Variants in CALCRL observed in about 807,000 individuals in gnomAD.
The protein encoded by CALCRL is calcitonin receptor like receptor.
A neutral mutation model predicts 60.4 loss-of-function variants in CALCRL; 27 were observed. The observed-to-expected ratio is 0.45, with a 90% CI of 0.33 to 0.62. CALCRL has a LOEUF of 0.62. Ranked by LOEUF, CALCRL falls within the 20% of genes least tolerant of loss-of-function variation. The pLI is 0.03. For synonymous variants in CALCRL, 190 were observed against 182.6 expected, an observed-to-expected ratio of 1.04 and a Z score of -0.33; for missense variants, 424 against 540.7, an observed-to-expected ratio of 0.78 and a Z score of 2.14.
chr2:187,354,410 A>G (rs868455080), intron 12 of CALCRL, among the ~76,000 whole-genome samples: 2 of 151,940 alleles, frequency 1.3e-5, no homozygotes, highest in South Asian at 2.1e-4. Flanking sequence ...CTTCCCCTCA[A>G]CAGGATCTCA....
At chr2:187,432,559 A>G (rs944619717) in intron 1 of CALCRL, among the ~76,000 whole-genome samples, 2 of 152,152 alleles carry the variant, frequency 1.3e-5, no homozygotes, top group Non-Finnish European at 2.9e-5. Flanking sequence ...CTGCAACTGA[A>G]TCTTTTGTAA....
chr2:187,350,652 T>C (rs1267305058), intron 14 of CALCRL, among the ~76,000 whole-genome samples: 1 of 151,666 alleles, frequency 6.6e-6, no homozygotes, highest in Non-Finnish European at 1.5e-5. Flanking sequence ...AGTTTTATTA[T>C]ATGTCAAGAT....
At chr2:187,361,479 A>G (rs1161189603) in intron 9 of CALCRL, among the ~76,000 whole-genome samples, 3 of 151,994 alleles carry the variant, frequency 2.0e-5, no homozygotes, top group South Asian at 2.1e-4. Flanking sequence ...TGTTACTCCT[A>G]TTGGCTCCAG....
intron 1 of CALCRL, among the ~76,000 whole-genome samples, chr2:187,416,403 CCT>C (rs1689608280): frequency 6.6e-6 from 1 of 152,076 alleles, no homozygotes; most frequent in Admixed American, 6.5e-5. Context: ...TCCTAATTTC[CCT>C]GTTATCCTAG....
At chr2:187,409,587 G>A (rs1277241514) in intron 1 of CALCRL, among the ~76,000 whole-genome samples, 1 of 152,214 alleles carries the variant, frequency 6.6e-6, no homozygotes, top group African/African-American at 2.4e-5. Flanking sequence ...CCACTGGTAT[G>A]TGCCTAACAC....
chr2:187,423,368 T>C (rs1160930501), intron 1 of CALCRL, among the ~76,000 whole-genome samples: 1 of 151,898 alleles, frequency 6.6e-6, no homozygotes, highest in African/African-American at 2.4e-5. Context: ...TATGGTTTTT[T>C]TTTTTTTACC....
rs780410767 is a variant in CALCRL, at chr2:187,385,579, G to A, written c.17C>T (p.Thr6Ile). The A allele has an allele frequency of 6.4e-7, 1 of 1,562,584 alleles. No homozygotes were observed. Among genetic ancestry groups the A allele is most frequent in the Non-Finnish European group, 8.8e-7 (1 of 1,142,396 alleles). MEKKC[T>I]LYFLVLLPFF... ...AGGCAAGAGAACCAGAAAATACAGG[G>A]TACACTTTTTCTCCATCATTAAGCC... Residue 6 changes from threonine (T) to isoleucine (I), a missense_variant, in exon 4 of 15, where the codon ACC becomes ATC. Transcript: ENST00000392370.
intron 1 of CALCRL, among the ~76,000 whole-genome samples, chr2:187,423,951 A>G (rs1690010980): frequency 6.6e-6 from 1 of 152,040 alleles, no homozygotes; most frequent in Non-Finnish European, 1.5e-5. Context: ...TAACATAGCC[A>G]CATCTGATTT....
intron 1 of CALCRL, chr2:187,415,582 C>T (rs555934263): frequency 9.2e-6 from 5 of 545,980 alleles, no homozygotes; most frequent in Middle Eastern, 5.2e-4. Flanking sequence ...CCTGACCTGC[C>T]GTCTGGAAAA....
intron 8 of CALCRL, among the ~76,000 whole-genome samples, chr2:187,371,043 T>C (rs554896524): frequency 2.4e-4 from 36 of 152,094 alleles, no homozygotes; most frequent in South Asian, 6.2e-4. Context: ...GAGATCAAGA[T>C]CATCCTGGCT....
chr2:187,400,512 C>G (rs1426352931), intron 1 of CALCRL, among the ~76,000 whole-genome samples: 1 of 151,184 alleles, frequency 6.6e-6, no homozygotes, highest in Non-Finnish European at 1.5e-5. Flanking sequence ...CTATATGACC[C>G]AGCAATTCCA....
intron 3 of CALCRL, among the ~76,000 whole-genome samples, 152 bp from the exon 4 acceptor site, chr2:187,385,783 ACT>A (rs149014637): frequency 0.01 from 1,573 of 152,206 alleles, 15 homozygotes; most frequent in Middle Eastern, 0.037. Context: ...ACAAGGTCTC[ACT>A]CTGTCACCAA....
At chr2:187,438,775 T>C (rs1690763908) in intron 1 of CALCRL, among the ~76,000 whole-genome samples, 1 of 152,226 alleles carries the variant, frequency 6.6e-6, no homozygotes, top group African/African-American at 2.4e-5. Context: ...CCTTGGAATT[T>C]AGTAAAATCT....
intron 1 of CALCRL, among the ~76,000 whole-genome samples, chr2:187,439,218 C>T (rs1690782285): frequency 1.3e-5 from 2 of 152,112 alleles, no homozygotes; most frequent in East Asian, 1.9e-4. Context: ...TGCAGTGGCT[C>T]ACACCTGTAA....
intron 1 of CALCRL, among the ~76,000 whole-genome samples, chr2:187,425,122 C>A (rs553733518): frequency 1.3e-5 from 2 of 151,894 alleles, no homozygotes; most frequent in South Asian, 4.2e-4. Flanking sequence ...GTTTTGGAAT[C>A]TAATAAAATC....
intron 6 of CALCRL, 41 bp from the exon 7 acceptor site, chr2:187,380,620 A>T: frequency 6.3e-7 from 1 of 1,590,216 alleles, no homozygotes; most frequent in Non-Finnish European, 8.6e-7. Flanking sequence ...AATTTAATTA[A>T]CCTAGGATTT....
At chr2:187,405,976 TG>T (rs1689106046) in intron 1 of CALCRL, among the ~76,000 whole-genome samples, 3 of 151,814 alleles carry the variant, frequency 2.0e-5, no homozygotes, top group Middle Eastern at 6.8e-3. Context: ...TGTGTGTGTG[TG>T]TGTGTGTGTG....
chr2:187,400,348 C>T (rs1688838349), intron 1 of CALCRL, among the ~76,000 whole-genome samples: 1 of 151,274 alleles, frequency 6.6e-6, no homozygotes, highest in African/African-American at 2.4e-5. Flanking sequence ...ACTTCATACC[C>T]ACTAGGATAG....
intron 1 of CALCRL, among the ~76,000 whole-genome samples, chr2:187,389,103 C>T (rs1291576558): frequency 4.9e-5 from 7 of 142,600 alleles, no homozygotes; most frequent in East Asian, 2.1e-4. Context: ...GTCATGCTCT[C>T]GCTCTGTACC....
Sources: allele counts gnomAD v4.1 joint callset (sites outside exome capture counted in the v4.1 genomes callset), GRCh38; gene constraint gnomAD v4.1.1; transcripts MANE v1.5; gene names NCBI Gene and HGNC (gene_info 2026-07-23, HGNC 2026-07-21).